NAALADL2: variants seen among roughly 807,000 people sequenced by gnomAD.
NAALADL2 encodes N-acetylated alpha-linked acidic dipeptidase like 2.
A neutral mutation model predicts 87.2 loss-of-function variants in NAALADL2; 76 were observed. The ratio of observed to expected loss-of-function variants is 0.87; its 90% CI spans 0.72 to 1.05. The LOEUF (loss-of-function observed/expected upper bound fraction) is 1.05, where lower values mean the gene tolerates loss of function less well. Among genes scored for constraint, NAALADL2 ranks in the 50% least tolerant of loss-of-function variants. NAALADL2 has a pLI of 0.00. For synonymous variants in NAALADL2, 354 were observed against 331.0 expected (o/e 1.07, Z -0.75); for missense variants, 1,089 against 945.8 (o/e 1.15, Z -1.99).
chr3:174,711,647 A>C (rs1578640109), intron 2 of NAALADL2, among the ~76,000 whole-genome samples: 1 of 152,292 alleles, frequency 6.6e-6, no homozygotes, highest in East Asian at 1.9e-4. Context: ...CCCAAATTAT[A>C]GGCCATTTAG....
At chr3:174,982,394 T>C (rs954417966) in intron 1 of NAALADL2, among the ~76,000 whole-genome samples, 4 of 152,090 alleles carry the variant, frequency 2.6e-5, no homozygotes, top group African/African-American at 9.7e-5. Flanking sequence ...GTACTCAATA[T>C]GTAGACTTTA....
intron 11 of NAALADL2, among the ~76,000 whole-genome samples, chr3:175,635,648 C>G (rs1258895601): frequency 6.6e-6 from 1 of 152,080 alleles, no homozygotes; most frequent in African/African-American, 2.4e-5. Context: ...TTTGTATGCT[C>G]TAAATATAAG....
intron 13 of NAALADL2, among the ~76,000 whole-genome samples, chr3:175,771,410 TG>T (rs1749470204): frequency 6.6e-6 from 1 of 152,220 alleles, no homozygotes; most frequent in African/African-American, 2.4e-5. Context: ...ATAACCTAAA[TG>T]TATTAGTTTC....
intron 1 of NAALADL2, among the ~76,000 whole-genome samples, chr3:174,890,117 A>G (rs1474110007): frequency 6.6e-6 from 1 of 152,218 alleles, no homozygotes; most frequent in Non-Finnish European, 1.5e-5. Flanking sequence ...GTTTATAACC[A>G]TCACGATGAC....
chr3:175,074,302 C>A (rs181528557), intron 1 of NAALADL2, among the ~76,000 whole-genome samples: 1 of 151,950 alleles, frequency 6.6e-6, no homozygotes, highest in Non-Finnish European at 1.5e-5. Context: ...AAGCTATTAA[C>A]GTGAGGATAT....
chr3:175,295,718 A>ACACACAC (rs1553851707), intron 4 of NAALADL2, among the ~76,000 whole-genome samples: 3,236 of 143,736 alleles, frequency 0.023, 53 homozygotes, highest in East Asian at 0.058. Context: ...CATGCACACA[A>ACACACAC]ACACACACAC....
chr3:174,461,226 T>C (rs1716194821), intron 1 of NAALADL2, among the ~76,000 whole-genome samples: 1 of 152,110 alleles, frequency 6.6e-6, no homozygotes, highest in Non-Finnish European at 1.5e-5. Context: ...GCAAAATGAA[T>C]GTTTTATGCC....
At chr3:175,493,378 T>C (rs1437850115) in intron 9 of NAALADL2, among the ~76,000 whole-genome samples, 1 of 152,124 alleles carries the variant, frequency 6.6e-6, no homozygotes, top group Admixed American at 6.6e-5. Flanking sequence ...TGTAGTAAAA[T>C]AGGGATCATC....
At chr3:174,616,158 G>A (rs1202403278) in intron 2 of NAALADL2, among the ~76,000 whole-genome samples, 1 of 151,658 alleles carries the variant, frequency 6.6e-6, no homozygotes, top group Non-Finnish European at 1.5e-5. Flanking sequence ...AAACACAATC[G>A]TTGATGTTGT....
intron 1 of NAALADL2, among the ~76,000 whole-genome samples, chr3:175,052,825 GT>G (rs1755593015): frequency 6.6e-6 from 1 of 152,116 alleles, no homozygotes; most frequent in Non-Finnish European, 1.5e-5. Flanking sequence ...ATCATTTGAG[GT>G]TGAGGTGCCA....
chr3:174,810,899 G>A (rs1720106724), intron 3 of NAALADL2, among the ~76,000 whole-genome samples: 1 of 152,164 alleles, frequency 6.6e-6, no homozygotes, highest in Non-Finnish European at 1.5e-5. Flanking sequence ...CCAGACCTAG[G>A]GCCCTGCCAC....
At chr3:174,888,067 A>G (rs1235969396) in intron 1 of NAALADL2, among the ~76,000 whole-genome samples, 2 of 152,138 alleles carry the variant, frequency 1.3e-5, no homozygotes, top group Non-Finnish European at 2.9e-5. Context: ...TATAATATTG[A>G]CCTGATTTCT....
intron 4 of NAALADL2, among the ~76,000 whole-genome samples, chr3:175,286,440 C>G (rs191007674): frequency 1.6e-4 from 24 of 152,178 alleles, no homozygotes; most frequent in Admixed American, 1.4e-3. Context: ...TGGCATTTAC[C>G]CAGAAAGTGA....
At chr3:175,438,911 G>A (rs903143558) in intron 5 of NAALADL2, among the ~76,000 whole-genome samples, 7 of 151,894 alleles carry the variant, frequency 4.6e-5, no homozygotes, top group African/African-American at 1.7e-4. Flanking sequence ...ATATGAATAA[G>A]TCCTTTAGTG....
At chr3:175,421,617 C>G (rs1054262249) in intron 5 of NAALADL2, among the ~76,000 whole-genome samples, 1 of 152,048 alleles carries the variant, frequency 6.6e-6, no homozygotes, top group Non-Finnish European at 1.5e-5. Context: ...AATTAAAATA[C>G]AGATTGCAAG....
chr3:175,613,907 C>A (rs1352275234), intron 10 of NAALADL2, among the ~76,000 whole-genome samples: 1 of 152,098 alleles, frequency 6.6e-6, no homozygotes, highest in African/African-American at 2.4e-5. Context: ...ACATAATCTC[C>A]CATACATTAG....
At chr3:174,458,743 A>G (rs1200988645) in intron 1 of NAALADL2, 1 of 152,184 alleles carries the variant, frequency 6.6e-6, no homozygotes, top group East Asian at 1.9e-4. Context: ...ATACTGTTAC[A>G]CTTTTGTTTA....
intron 2 of NAALADL2, among the ~76,000 whole-genome samples, chr3:174,708,892 G>C (rs1232694746): frequency 6.6e-6 from 1 of 152,030 alleles, no homozygotes; most frequent in African/African-American, 2.4e-5. Context: ...CTTTTGCCTA[G>C]GAATGATTTT....
chr3:175,674,539 C>T (rs1403868447), intron 11 of NAALADL2, among the ~76,000 whole-genome samples: 1 of 152,088 alleles, frequency 6.6e-6, no homozygotes, highest in Non-Finnish European at 1.5e-5. Flanking sequence ...GCTGGGATTA[C>T]AGGCCTGAGC....
Sources: gnomAD v4.1 joint callset for allele counts (sites outside exome capture counted in the v4.1 genomes callset) on GRCh38, gnomAD v4.1.1 for gene constraint, MANE v1.5 for transcripts, NCBI Gene and HGNC (gene_info 2026-07-23, HGNC 2026-07-21) for gene names.